The following FSD1L variants were observed in gnomAD, a reference collection of about 807,000 sequenced individuals.
FSD1L encodes FSD1-like protein.
Under a neutral mutation model 71.6 loss-of-function variants are expected in FSD1L, and 45 were observed. The observed-to-expected ratio is 0.63, with a 90% CI of 0.49 to 0.81. FSD1L has a LOEUF of 0.81. FSD1L is among the 30% of genes least tolerant of loss of function. The pLI is 0.00. For synonymous variants in FSD1L, 197 were observed against 207.2 expected (o/e 0.95, Z 0.42); for missense variants, 561 against 618.1 (o/e 0.91, Z 0.98).
At chr9:105,545,148 G>T (rs1397138047) in intron 13 of FSD1L, among the ~76,000 whole-genome samples, 60 of 151,224 alleles carry the variant, frequency 4.0e-4, no homozygotes, top group South Asian at 3.1e-3. Flanking sequence ...TTCACATCCC[G>T]TGTAAGTTGG....
At chr9:105,543,942 AC>A (rs1285611695) in intron 13 of FSD1L, among the ~76,000 whole-genome samples, 1 of 152,206 alleles carries the variant, frequency 6.6e-6, no homozygotes, top group Admixed American at 6.5e-5. Context: ...CTTTGGGTAT[AC>A]ACCCAGTAAT....
intron 11 of FSD1L, among the ~76,000 whole-genome samples, chr9:105,534,822 G>T (rs1469472464): frequency 1.3e-5 from 2 of 152,140 alleles, no homozygotes; most frequent in African/African-American, 4.8e-5. Context: ...TTATATATAA[G>T]CCGGGAGGGG....
chr9:105,520,349 T>C, intron 10 of FSD1L: 1 of 1,281,206 alleles, frequency 7.8e-7, no homozygotes, highest in South Asian at 1.3e-5. Flanking sequence ...GTGATGTTTA[T>C]TTAGTGAAAA....
intron 7 of FSD1L, among the ~76,000 whole-genome samples, chr9:105,490,821 TGCA>T (rs1832882044): frequency 1.6e-5 from 2 of 123,556 alleles, no homozygotes; most frequent in Non-Finnish European, 3.4e-5. Flanking sequence ...GTTGTAGATA[TGCA>T]GCGTTATTTC....
chr9:105,491,028 T>C (rs1216455555), intron 7 of FSD1L, among the ~76,000 whole-genome samples: 1 of 152,006 alleles, frequency 6.6e-6, no homozygotes, highest in Non-Finnish European at 1.5e-5. Flanking sequence ...AGTAGTTTTT[T>C]CGAATTCTGT....
intron 3 of FSD1L, among the ~76,000 whole-genome samples, chr9:105,467,461 C>A (rs533299649): frequency 1.0e-3 from 158 of 152,092 alleles, no homozygotes; most frequent in Non-Finnish European, 1.4e-3. Context: ...GAAATAGCAG[C>A]AAATATAGCA....
chr9:105,471,384 A>G (rs148996704), intron 4 of FSD1L, among the ~76,000 whole-genome samples: 106 of 152,098 alleles, frequency 7.0e-4, no homozygotes, highest in African/African-American at 2.3e-3. Flanking sequence ...TTCTTCTGGC[A>G]TTGTTAGAGG....
chr9:105,544,299 T>C (rs1836832537), intron 13 of FSD1L, among the ~76,000 whole-genome samples: 1 of 152,234 alleles, frequency 6.6e-6, no homozygotes, highest in South Asian at 2.1e-4. Flanking sequence ...TAAATTTGTT[T>C]GAGTTCTTTG....
chr9:105,462,503 G>A (rs1053013094), intron 2 of FSD1L, among the ~76,000 whole-genome samples: 46 of 143,056 alleles, frequency 3.2e-4, no homozygotes, highest in African/African-American at 1.2e-3. Context: ...TTACAGGCAT[G>A]AGCCACTGTG....
intron 10 of FSD1L, chr9:105,520,037 G>A (rs1244270743): frequency 2.0e-6 from 3 of 1,492,984 alleles, no homozygotes; most frequent in South Asian, 1.3e-5. Context: ...GAGCCTCTCT[G>A]GCTAGTCTCC....
intron 12 of FSD1L, among the ~76,000 whole-genome samples, chr9:105,536,187 T>C (rs1259456248): frequency 1.3e-5 from 2 of 152,238 alleles, no homozygotes; most frequent in Non-Finnish European, 2.9e-5. Flanking sequence ...TGTTTCATTG[T>C]TGGACAGCTC....
At chr9:105,468,117 C>T in intron 3 of FSD1L, 76 bp from the exon 4 acceptor site, 2 of 984,406 alleles carry the variant, frequency 2.0e-6, no homozygotes, top group Non-Finnish European at 2.7e-6. Context: ...TTTATTCTCT[C>T]TTTTGGGCAT....
chr9:105,523,211 A>G, intron 10 of FSD1L: 3 of 1,613,122 alleles, frequency 1.9e-6, no homozygotes, highest in Non-Finnish European at 1.7e-6. Flanking sequence ...TTACTGGTTC[A>G]GAAAGTGCTT....
intron 7 of FSD1L, among the ~76,000 whole-genome samples, chr9:105,491,653 A>G (rs957427317): frequency 3.3e-5 from 5 of 151,898 alleles, no homozygotes; most frequent in African/African-American, 1.2e-4. Flanking sequence ...GATAGCTCTT[A>G]TTATTTTGAG....
the FSD1L span, among the ~76,000 whole-genome samples, chr9:105,442,706 T>C: frequency 1.3e-5 from 2 of 151,542 alleles, no homozygotes; most frequent in Non-Finnish European, 3.0e-5. Flanking sequence ...AAAAAAAAAG[T>C]TATTTCTACC....
At chr9:105,546,105 C>T (rs1324183469) in intron 13 of FSD1L, among the ~76,000 whole-genome samples, 3 of 152,008 alleles carry the variant, frequency 2.0e-5, no homozygotes, top group African/African-American at 4.8e-5. Context: ...TCAATTTCTG[C>T]ACCCCTGAGT....
chr9:105,469,870 A>G (rs1257222330), intron 4 of FSD1L, among the ~76,000 whole-genome samples: 4 of 152,034 alleles, frequency 2.6e-5, no homozygotes, highest in Non-Finnish European at 5.9e-5. Flanking sequence ...CTTTTCCTCT[A>G]TGTTTTCTTC....
rs7040622 is a variant in FSD1L, at chr9:105,518,190, A to C, written c.1025+5254A>C. Reference sequence around the variant, plus strand: ...TTCTTAGAGACCAACAAAGAGAATTAGACTCCCATACAGTAATAGTGGGAG... The same window carrying C: ...TTCTTAGAGACCAACAAAGAGAATTCGACTCCCATACAGTAATAGTGGGAG... On this transcript the variant is annotated intron_variant, in intron 10 of 13. Coordinates refer to ENST00000481272, the MANE Select transcript of FSD1L (RefSeq NM_001145313.3). 8.1e-3 allele frequency among the ~76,000 whole-genome samples: 1,227 copies of C among 152,332 alleles called. 18 individuals carry two copies. The highest frequency in any genetic ancestry group is 0.028 in the African/African-American group (1,145 of 41,566).
chr9:105,527,990 A>G lies in FSD1L; in HGVS notation c.1026-6503A>G, dbSNP rs559351756. Among the ~76,000 whole-genome samples, 54 of 152,342 alleles carry G rather than the reference A, an allele frequency of 3.5e-4. 1 individual carries two copies. Among genetic ancestry groups the G allele is most frequent in the African/African-American group, 1.3e-3 (54 of 41,584 alleles). On this transcript the variant is annotated intron_variant, in intron 10 of 13. Coordinates refer to ENST00000481272, the MANE Select transcript of FSD1L (RefSeq NM_001145313.3). ...ATATGCAAAAATCACAAACATTCCT[A>G]TACCCCAATGACAGGCAAACAGAGA...
Sources: allele counts gnomAD v4.1 joint callset (sites outside exome capture counted in the v4.1 genomes callset), GRCh38; gene constraint gnomAD v4.1.1; transcripts MANE v1.5; gene names NCBI Gene and HGNC (gene_info 2026-07-23, HGNC 2026-07-21).